LRMDA: variants seen among roughly 807,000 people sequenced by gnomAD.
LRMDA encodes leucine rich melanocyte differentiation associated.
Under a neutral mutation model 29.8 loss-of-function variants are expected in LRMDA, and 18 were observed. The observed-to-expected ratio is 0.60, with a 90% CI of 0.42 to 0.90. The LOEUF (loss-of-function observed/expected upper bound fraction) is 0.90. LRMDA is among the 40% of genes least tolerant of loss of function. LRMDA has a pLI of 0.00. For synonymous variants in LRMDA, 125 were observed against 109.4 expected, an observed-to-expected ratio of 1.14 and a Z score of -0.89; for missense variants, 273 against 273.9, an observed-to-expected ratio of 1.00 and a Z score of 0.02.
At chr10:76,185,105 C>T (rs1464910330) in intron 5 of LRMDA, among the ~76,000 whole-genome samples, 1 of 152,124 alleles carries the variant, frequency 6.6e-6, no homozygotes, top group Non-Finnish European at 1.5e-5. Flanking sequence ...AAAAAATACT[C>T]TTTCTGATTT....
intron 2 of LRMDA, among the ~76,000 whole-genome samples, chr10:75,705,471 A>C (rs1842355385): frequency 6.6e-6 from 1 of 152,190 alleles, no homozygotes; most frequent in Non-Finnish European, 1.5e-5. Flanking sequence ...TGGAACATTA[A>C]ATGGGTGGAA....
At chr10:75,866,056 A>G (rs1330518257) in intron 2 of LRMDA, among the ~76,000 whole-genome samples, 6 of 152,162 alleles carry the variant, frequency 3.9e-5, no homozygotes, top group Non-Finnish European at 7.3e-5. Context: ...TTAGAAAAGG[A>G]TTGACAGAGA....
chr10:76,278,357 A>G (rs769768940), intron 5 of LRMDA, among the ~76,000 whole-genome samples: 33 of 152,322 alleles, frequency 2.2e-4, no homozygotes, highest in Non-Finnish European at 4.1e-4. Context: ...ATTCTTTAAA[A>G]ATATAATGAG....
At chr10:76,345,274 T>A (rs75983265) in intron 6 of LRMDA, among the ~76,000 whole-genome samples, 15,151 of 146,960 alleles carry the variant, frequency 0.1, 886 homozygotes, top group East Asian at 0.31. Context: ...GGGTTTCACC[T>A]TGTTAGCCAG....
At chr10:76,299,920 T>C (rs1189493878) in intron 5 of LRMDA, among the ~76,000 whole-genome samples, 1 of 152,200 alleles carries the variant, frequency 6.6e-6, no homozygotes, top group African/African-American at 2.4e-5. Flanking sequence ...CTGCTTTACA[T>C]CTTTGTAAAG....
intron 3 of LRMDA, 152 bp downstream of exon 3, chr10:76,036,286 G>A (rs925715418): frequency 1.3e-6 from 1 of 798,854 alleles, no homozygotes; most frequent in Admixed American, 3.0e-5. Flanking sequence ...GGCAGACAAA[G>A]CATTCTGTCT....
chr10:76,546,078 C>T (rs1028053158), intron 6 of LRMDA, among the ~76,000 whole-genome samples: 7 of 152,150 alleles, frequency 4.6e-5, no homozygotes, highest in Non-Finnish European at 1.0e-4. Context: ...AGGGCCAACC[C>T]ATACATTTCT....
At chr10:76,206,354 G>T (rs1210559594) in intron 5 of LRMDA, among the ~76,000 whole-genome samples, 4 of 152,082 alleles carry the variant, frequency 2.6e-5, no homozygotes, top group Non-Finnish European at 5.9e-5. Context: ...CATCTTTTCT[G>T]GGAAACATTC....
At chr10:76,125,688 A>G (rs879498788) in intron 5 of LRMDA, among the ~76,000 whole-genome samples, 19 of 152,166 alleles carry the variant, frequency 1.2e-4, no homozygotes, top group Non-Finnish European at 2.4e-4. Flanking sequence ...TGGAAGGGGT[A>G]GTCTGGGTTT....
At chr10:75,736,856 G>C (rs1007584381) in intron 2 of LRMDA, among the ~76,000 whole-genome samples, 1 of 152,054 alleles carries the variant, frequency 6.6e-6, no homozygotes, top group Non-Finnish European at 1.5e-5. Flanking sequence ...CTACAAACAG[G>C]TATAAACCAA....
intron 2 of LRMDA, among the ~76,000 whole-genome samples, chr10:75,509,920 T>C (rs1845208924): frequency 6.6e-6 from 1 of 152,216 alleles, no homozygotes; most frequent in African/African-American, 2.4e-5. Flanking sequence ...CTACTGATTG[T>C]GTGACTCTGA....
chr10:75,475,544 G>A (rs1039160684), intron 2 of LRMDA, among the ~76,000 whole-genome samples: 2 of 152,190 alleles, frequency 1.3e-5, no homozygotes, highest in Non-Finnish European at 2.9e-5. Flanking sequence ...TAAAGAAACC[G>A]GTGAAGGGCT....
intron 4 of LRMDA, among the ~76,000 whole-genome samples, chr10:76,053,274 G>A (rs1589305251): frequency 1.3e-5 from 2 of 152,254 alleles, no homozygotes; most frequent in South Asian, 4.1e-4. Flanking sequence ...GATGTCATCT[G>A]GACTAGCCCT....
intron 2 of LRMDA, among the ~76,000 whole-genome samples, chr10:76,018,829 T>C (rs756928210): frequency 3.9e-5 from 6 of 152,064 alleles, no homozygotes; most frequent in Non-Finnish European, 8.8e-5. Context: ...GCCTCGCAAA[T>C]TGCTGGGATT....
intron 6 of LRMDA, among the ~76,000 whole-genome samples, chr10:76,542,392 T>C (rs1843367979): frequency 6.6e-6 from 1 of 152,182 alleles, no homozygotes; most frequent in Admixed American, 6.5e-5. Context: ...ACATCATATA[T>C]TTCTTAAAAG....
At chr10:75,727,062 C>T (rs930718583) in intron 2 of LRMDA, among the ~76,000 whole-genome samples, 1 of 152,110 alleles carries the variant, frequency 6.6e-6, no homozygotes, top group African/African-American at 2.4e-5. Context: ...GTTAATTTTG[C>T]ATTGTGTGTG....
chr10:75,623,580 A>G (rs2132108185), intron 2 of LRMDA, among the ~76,000 whole-genome samples: 2 of 152,304 alleles, frequency 1.3e-5, no homozygotes, highest in Middle Eastern at 3.4e-3. Context: ...CTTAAATTCG[A>G]GTCTGAGAGT....
chr10:76,061,772 A>G (rs1397659142), intron 5 of LRMDA, among the ~76,000 whole-genome samples: 1 of 152,172 alleles, frequency 6.6e-6, no homozygotes, highest in Non-Finnish European at 1.5e-5. Flanking sequence ...AATTTATGCC[A>G]TGATTCTTCA....
At chr10:76,282,787 G>C (rs1429790136) in intron 5 of LRMDA, among the ~76,000 whole-genome samples, 1 of 152,152 alleles carries the variant, frequency 6.6e-6, no homozygotes, top group Admixed American at 6.6e-5. Flanking sequence ...GAAGGCCAAA[G>C]ATTGAAGTCA....
Sources: gnomAD v4.1 joint callset for allele counts (sites outside exome capture counted in the v4.1 genomes callset) on GRCh38, gnomAD v4.1.1 for gene constraint, MANE v1.5 for transcripts, NCBI Gene and HGNC (gene_info 2026-07-23, HGNC 2026-07-21) for gene names.